LMBR1: variants seen among roughly 807,000 people sequenced by gnomAD.
LMBR1 encodes the protein limb region 1 protein homolog.
LMBR1 carries 52 observed loss-of-function variants against 73.9 expected under a neutral mutation model. The ratio of observed to expected loss-of-function variants is 0.70; its 90% CI spans 0.56 to 0.89. LMBR1 has a LOEUF of 0.89. Ranked by LOEUF, LMBR1 falls within the 40% of genes least tolerant of loss-of-function variation. The pLI is 0.00. For synonymous variants in LMBR1, 215 were observed against 209.4 expected, an observed-to-expected ratio of 1.03 and a Z score of -0.23; for missense variants, 539 against 579.8, an observed-to-expected ratio of 0.93 and a Z score of 0.72.
downstream of LMBR1, among the ~76,000 whole-genome samples, chr7:156,675,298 G>A (rs771122017): frequency 2.6e-5 from 4 of 152,334 alleles, no homozygotes; most frequent in Admixed American, 1.3e-4. Flanking sequence ...GTCTCCTCCC[G>A]GCTCCCTCCG....
chr7:156,758,669 C>T (rs1315893791), intron 8 of LMBR1, among the ~76,000 whole-genome samples: 1 of 152,210 alleles, frequency 6.6e-6, no homozygotes, highest in Non-Finnish European at 1.5e-5. Flanking sequence ...CCTCGTTTGC[C>T]TCTCGCCATG....
At position 156,791,112 on chromosome 7, in the gene LMBR1, T is replaced by C. The variant is rs1241709881; in HGVS notation, c.423+5277A>G. Reference sequence around the variant, plus strand: ...GGAAAATCAAATTAACACGTAACAATAGTTAGTGAGATATGGCTTCATTTT... The same window carrying C: ...GGAAAATCAAATTAACACGTAACAACAGTTAGTGAGATATGGCTTCATTTT... On this transcript the variant is annotated intron_variant, in intron 5 of 16. Coordinates refer to ENST00000353442, the MANE Select transcript of LMBR1 (RefSeq NM_022458.4). 6.6e-6 allele frequency among the ~76,000 whole-genome samples: 1 copy of C among 152,160 alleles called. No individual in the cohort carries two copies. Among genetic ancestry groups the C allele is most frequent in the South Asian group, 2.1e-4 (1 of 4,824 alleles).
intron 14 of LMBR1, among the ~76,000 whole-genome samples, chr7:156,725,092 T>G (rs1815454032): frequency 6.6e-6 from 1 of 152,182 alleles, no homozygotes; most frequent in African/African-American, 2.4e-5. Context: ...ACTAAGTTCT[T>G]CAGACTTCAA....
Position 156,670,065 on chromosome 7 carries a change from C to G in LMBR1, n.867-778G>C, listed in dbSNP as rs767330259. On this transcript the variant is annotated intron_variant and non_coding_transcript_variant, in intron 4 of 4. Transcript: ENST00000430825. This position sits in a 1 kb window ranked among gnomAD's most constrained non-coding sequence, Gnocchi z 4.3. ...TATTTGCTGTTTATTTAATGTTATT[C>G]TAAGAAAAAATTAAATTATAAATTT... 3.2e-4 allele frequency among the ~76,000 whole-genome samples: 48 copies of G among 152,248 alleles called. No homozygotes were observed. Among genetic ancestry groups the G allele is most frequent in the Middle Eastern group, 3.4e-3 (1 of 294 alleles).
intron 9 of LMBR1, among the ~76,000 whole-genome samples, chr7:156,744,543 GC>G (rs1819510335): frequency 6.6e-6 from 1 of 151,706 alleles, no homozygotes; most frequent in African/African-American, 2.4e-5. Context: ...CCTTTTAGAT[GC>G]CTATTATTTA....
chr7:156,711,895 A>C (rs1812155082), intron 15 of LMBR1, among the ~76,000 whole-genome samples: 1 of 152,220 alleles, frequency 6.6e-6, no homozygotes, highest in South Asian at 2.1e-4. Flanking sequence ...AATTATAAAA[A>C]TACTAGAAGA....
chr7:156,735,674 T>C (rs1050555747), intron 9 of LMBR1, among the ~76,000 whole-genome samples: 6 of 151,982 alleles, frequency 3.9e-5, no homozygotes, highest in Non-Finnish European at 8.8e-5. Flanking sequence ...ATGAATCATA[T>C]ATTTTATCAT....
chr7:156,684,487 C>T (rs954033218), intron 16 of LMBR1, among the ~76,000 whole-genome samples: 8 of 152,126 alleles, frequency 5.3e-5, no homozygotes, highest in African/African-American at 1.7e-4. Context: ...CGAGGGCCAG[C>T]GGAGGCTTCC....
At chr7:156,790,816 A>C (rs1191843778) in intron 5 of LMBR1, among the ~76,000 whole-genome samples, 3 of 152,170 alleles carry the variant, frequency 2.0e-5, no homozygotes, top group Non-Finnish European at 4.4e-5. Context: ...TCTTTTCCTC[A>C]AAATAATACT....
At chr7:156,724,843 T>C (rs1815376820) in intron 14 of LMBR1, among the ~76,000 whole-genome samples, 1 of 150,762 alleles carries the variant, frequency 6.6e-6, no homozygotes, top group African/African-American at 2.4e-5. Flanking sequence ...GCTAAAAATA[T>C]AAAATAAAAA....
chr7:156,877,776 G>C (rs1012209786), intron 1 of LMBR1, among the ~76,000 whole-genome samples: 3 of 151,840 alleles, frequency 2.0e-5, no homozygotes, highest in Non-Finnish European at 4.4e-5. Context: ...CCAGCTACTC[G>C]GGAGGCTGAA....
intron 5 of LMBR1, among the ~76,000 whole-genome samples, chr7:156,784,501 C>T (rs996338208): frequency 2.6e-5 from 4 of 152,180 alleles, no homozygotes; most frequent in African/African-American, 9.7e-5. Flanking sequence ...TGCTACACTG[C>T]CTGCTGACTG....
chr7:156,750,283 CGTGT>C (rs1023252008), intron 9 of LMBR1, among the ~76,000 whole-genome samples: 1 of 146,438 alleles, frequency 6.8e-6, no homozygotes, highest in African/African-American at 2.6e-5. Flanking sequence ...GTTAAGTGTG[CGTGT>C]GTGTGTGTAC....
chr7:156,825,417 C>A (rs1260362378), intron 4 of LMBR1, among the ~76,000 whole-genome samples: 1 of 152,092 alleles, frequency 6.6e-6, no homozygotes, highest in Non-Finnish European at 1.5e-5. Flanking sequence ...TTCCTAAGAG[C>A]TATAATTCTA....
At chr7:156,855,729 CAAAGAT>C (rs1403639223) in intron 1 of LMBR1, among the ~76,000 whole-genome samples, 1 of 142,938 alleles carries the variant, frequency 7.0e-6, no homozygotes, top group East Asian at 2.1e-4. Flanking sequence ...TGCAGAAAAT[CAAAGAT>C]AAAGAGAATA....
At chr7:156,804,204 T>A (rs1359678863) in intron 4 of LMBR1, among the ~76,000 whole-genome samples, 2 of 152,186 alleles carry the variant, frequency 1.3e-5, no homozygotes, top group Admixed American at 6.5e-5. Flanking sequence ...ATGGATTGTG[T>A]GATATATACT....
intron 3 of LMBR1, among the ~76,000 whole-genome samples, chr7:156,830,341 A>G (rs1373690205): frequency 6.6e-6 from 1 of 152,190 alleles, no homozygotes; most frequent in East Asian, 1.9e-4. Flanking sequence ...TAGTATTTCA[A>G]TTTTTTTAAA....
intron 1 of LMBR1, among the ~76,000 whole-genome samples, chr7:156,889,620 G>A (rs183121870): frequency 4.7e-4 from 71 of 152,312 alleles, no homozygotes; most frequent in Admixed American, 7.8e-4. Flanking sequence ...GGAAACAGGT[G>A]AGGAGAGTCA....
chr7:156,674,337 G>T (rs192390263), downstream of LMBR1, among the ~76,000 whole-genome samples: 1 of 152,374 alleles, frequency 6.6e-6, no homozygotes, highest in East Asian at 1.9e-4. Flanking sequence ...CCCCACCTGG[G>T]CATGGGGGAA....
Sources: gnomAD v4.1 joint callset for allele counts (sites outside exome capture counted in the v4.1 genomes callset) on GRCh38, gnomAD v4.1.1 for gene constraint, Gnocchi (gnomAD v3.1) non-coding constraint, MANE v1.5 for transcripts, NCBI Gene and HGNC (gene_info 2026-07-23, HGNC 2026-07-21) for gene names.